The following SYNJ1 variants were observed in gnomAD, a reference collection of about 807,000 sequenced individuals.
SYNJ1 encodes the protein polyphosphatidylinositol phosphatase SYNJ1.
Under a neutral mutation model 168.2 loss-of-function variants are expected in SYNJ1, and 78 were observed. The observed-to-expected ratio is 0.46, with a 90% confidence interval of 0.39 to 0.56. SYNJ1 has a LOEUF of 0.56. Among genes scored for constraint, SYNJ1 ranks in the 20% least tolerant of loss-of-function variants. The pLI, the probability that SYNJ1 is intolerant of heterozygous loss-of-function variation, is 0.00. For missense variants in SYNJ1, 1,303 were observed against 1,597.6 expected (o/e 0.82, Z 3.14); for synonymous variants, 539 against 548.6 (o/e 0.98, Z 0.24).
intron 2 of SYNJ1, among the ~76,000 whole-genome samples, chr21:32,714,032 T>TTCATTCTATAATGATATA (rs2042934258): frequency 6.6e-6 from 1 of 152,218 alleles, no homozygotes; most frequent in African/African-American, 2.4e-5. Context: ...TAAGGGTATG[T>TTCATTCTATAATGATATA]TCATTCTATA....
chr21:32,691,947 A>T (rs899906478), intron 6 of SYNJ1, among the ~76,000 whole-genome samples: 1 of 152,200 alleles, frequency 6.6e-6, no homozygotes, highest in Non-Finnish European at 1.5e-5. Flanking sequence ...CAGGCTGAGT[A>T]AACCAGATCA....
At chr21:32,644,500 A>G (rs1424785559) in intron 26 of SYNJ1, among the ~76,000 whole-genome samples, 3 of 152,252 alleles carry the variant, frequency 2.0e-5, no homozygotes, top group African/African-American at 2.4e-5. Context: ...TGTCAAATGT[A>G]TAACTCCAAC....
At chr21:32,685,987 A>G (rs2041825636) in intron 8 of SYNJ1, 70 bp from the exon 9 acceptor site, 2 of 1,490,330 alleles carry the variant, frequency 1.3e-6, no homozygotes, top group African/African-American at 1.4e-5. Flanking sequence ...AATATTCATC[A>G]CATTTCATTG....
At chr21:32,675,562 C>G (rs1300331302) in intron 13 of SYNJ1, among the ~76,000 whole-genome samples, 2 of 152,126 alleles carry the variant, frequency 1.3e-5, no homozygotes, top group Non-Finnish European at 2.9e-5. Context: ...AACAGCTTCT[C>G]AAAACATTCA....
At chr21:32,708,849 T>C (rs182657373) in intron 2 of SYNJ1, among the ~76,000 whole-genome samples, 193 of 152,076 alleles carry the variant, frequency 1.3e-3, no homozygotes, top group African/African-American at 4.5e-3. Flanking sequence ...CTGGGTGTGG[T>C]GGCTCACGCC....
Position 32,687,044 on chromosome 21 carries a change from A to G in SYNJ1, c.882T>C (p.Gly294=), listed in dbSNP as rs776289902. 6.5e-7 allele frequency: 1 copy of G among 1,536,868 alleles called. No individual in the cohort carries two copies. The highest frequency in any genetic ancestry group is 8.7e-7 in the Non-Finnish European group (1 of 1,145,406). ...RHFRTLKNLY[G]KQIIVNLLGS... is the part of the protein sequence containing the mutation. ...CAAGCAAATTTACTATTATTTGTTT[A>G]CCATATAAGTTCTTAAGTGTTCTAA... Residue 294 remains glycine (G), a synonymous_variant, in exon 8 of 33, where the codon GGT becomes GGC. Transcript: ENST00000674351.
chr21:32,720,202 G>C (rs746878007), intron 2 of SYNJ1, among the ~76,000 whole-genome samples: 2 of 152,170 alleles, frequency 1.3e-5, no homozygotes, highest in Non-Finnish European at 2.9e-5. Flanking sequence ...TCGCACCATT[G>C]CACTCCAGCT....
chr21:32,708,219 G>A (rs1471070912), intron 2 of SYNJ1, among the ~76,000 whole-genome samples: 1 of 152,220 alleles, frequency 6.6e-6, no homozygotes, highest in Admixed American at 6.5e-5. Context: ...AGTTTATGAA[G>A]TGGCAGGGTG....
chr21:32,727,495 G>T (rs553158082), intron 1 of SYNJ1, among the ~76,000 whole-genome samples: 1 of 152,108 alleles, frequency 6.6e-6, no homozygotes, highest in Admixed American at 6.5e-5. Flanking sequence ...ACCGCCGGCT[G>T]GGGGGACGGC....
chr21:32,640,786 A>G (rs1208420343), intron 29 of SYNJ1, among the ~76,000 whole-genome samples: 1 of 152,228 alleles, frequency 6.6e-6, no homozygotes, highest in African/African-American at 2.4e-5. Context: ...CAATATTCCG[A>G]ATTAAATACA....
At chr21:32,702,665 T>TA (rs2042448887) in intron 2 of SYNJ1, among the ~76,000 whole-genome samples, 1 of 152,118 alleles carries the variant, frequency 6.6e-6, no homozygotes. Context: ...AAAGGACAAA[T>TA]ACAAATAATA....
chr21:32,647,444 G>A (rs1028589492), intron 23 of SYNJ1, among the ~76,000 whole-genome samples: 3 of 152,086 alleles, frequency 2.0e-5, no homozygotes, highest in Non-Finnish European at 2.9e-5. Flanking sequence ...ATGGACATTC[G>A]CCTTCACTCC....
chr21:32,681,397 A>G lies in SYNJ1; in HGVS notation c.1353+99T>C, dbSNP rs1198649672. On this transcript the variant is annotated intron_variant, in intron 11 of 32. Transcript: ENST00000674351. ...AACAGAATTCTAAGACACATCTATT[A>G]ATTTAAACCATCTATTAACTTTTAA... 11 of 1,344,746 alleles carry G rather than the reference A, an allele frequency of 8.2e-6. No homozygotes were observed. The East Asian group carries it at 2.4e-4, about 29-fold the overall frequency. 83.3% of individuals were successfully genotyped at this position (1,344,746 alleles called of 1,614,324 possible). A position where few individuals can be genotyped will look rare whatever the true frequency, so the allele number is the denominator to read the frequency against.
At position 32,695,851 on chromosome 21, in the gene SYNJ1, T is replaced by G. The variant is rs112748982; in HGVS notation, c.480-569A>C. ...CTAATTTTTTGTTTTGTTTTGTTTT[T>G]TTTTTTCTTTTTTGAGACGGAGTCT... On this transcript the variant is annotated intron_variant, in intron 4 of 32. Transcript: ENST00000674351. Among the ~76,000 whole-genome samples, 730 of 150,130 alleles carry G rather than the reference T, an allele frequency of 4.9e-3. 6 individuals carry two copies. The highest frequency in any genetic ancestry group is 6.2e-3 in the Admixed American group (94 of 15,138).
chr21:32,681,997 C>T (rs1487334022), intron 10 of SYNJ1, among the ~76,000 whole-genome samples: 2 of 151,966 alleles, frequency 1.3e-5, no homozygotes, highest in East Asian at 1.9e-4. Context: ...TTACTTAGTC[C>T]TAAACATAAA....
chr21:32,717,202 G>A (rs557402671), intron 2 of SYNJ1, among the ~76,000 whole-genome samples: 3 of 152,014 alleles, frequency 2.0e-5, no homozygotes, highest in African/African-American at 4.8e-5. Context: ...CAGGTGATCC[G>A]CCCACCTCGG....
At chr21:32,713,513 T>C (rs2042913471) in intron 2 of SYNJ1, among the ~76,000 whole-genome samples, 1 of 138,500 alleles carries the variant, frequency 7.2e-6, no homozygotes, top group South Asian at 2.4e-4. Flanking sequence ...TGATTTCCCA[T>C]ATATCAACAT....
rs747135111 is a variant in SYNJ1, at chr21:32,656,688, TTATAAG to T, written c.2788_2793del (p.Leu930_Ile931del). On this transcript the variant is annotated inframe_deletion and splice_region_variant, in exon 21 of 33. Transcript: ENST00000674351. ...ACTTTTGCATAATAAACATCTTACCTTATAAGTATAACTTCACCAAAACTTGCAAAC... is the reference window on the plus strand; with the variant it reads ...ACTTTTGCATAATAAACATCTTACCTTATAACTTCACCAAAACTTGCAAAC... The T allele has an allele frequency of 9.3e-6, 15 of 1,611,188 alleles. No homozygotes were observed. Among genetic ancestry groups the T allele is most frequent in the Non-Finnish European group, 1.2e-5 (14 of 1,178,340 alleles).
chr21:32,701,892 CTCTCAAA>C (rs1292549695), intron 3 of SYNJ1, 62 bp downstream of exon 3: 3 of 1,204,220 alleles, frequency 2.5e-6, no homozygotes, highest in Non-Finnish European at 2.3e-6. Context: ...TAGCTAGTCC[CTCTCAAA>C]TCCTTAGAAT....
Sources: allele counts gnomAD v4.1 joint callset (sites outside exome capture counted in the v4.1 genomes callset), GRCh38; gene constraint gnomAD v4.1.1; transcripts MANE v1.5; gene names NCBI Gene and HGNC (gene_info 2026-07-23, HGNC 2026-07-21).